The following FALEC variants were observed in gnomAD, a reference collection of about 807,000 sequenced individuals.
FALEC encodes focally amplified lncRNA on chromosome 1.
downstream of FALEC, among the ~76,000 whole-genome samples, chr1:150,522,904 CATATATAT>C (rs1335307441): frequency 2.5e-4 from 18 of 72,090 alleles, no homozygotes; most frequent in Non-Finnish European, 3.7e-4. Flanking sequence ...TATATATATA[CATATATAT>C]ACATATATAT....
At chr1:150,522,983 A>ATTTTTTTTT (rs1174052488), downstream of FALEC, among the ~76,000 whole-genome samples, 1 of 15,918 alleles carries the variant, frequency 6.3e-5, no homozygotes, top group African/African-American at 3.1e-4. Context: ...ATATATATAT[A>ATTTTTTTTT]TTTTTTTTTT....
downstream of FALEC, among the ~76,000 whole-genome samples, chr1:150,522,244 C>CAAAA (rs60709164): frequency 8.4e-6 from 1 of 119,058 alleles, no homozygotes; most frequent in Non-Finnish European, 1.8e-5. Flanking sequence ...GAGACTGTCT[C>CAAAA]AAAAAAAAAA....
At chr1:150,518,388 T>A (rs924331001), downstream of FALEC, among the ~76,000 whole-genome samples, 3 of 137,454 alleles carry the variant, frequency 2.2e-5, no homozygotes, top group Non-Finnish European at 4.5e-5. Flanking sequence ...GTCTCTCTCT[T>A]TTTTTTTTTT....
the FALEC span, among the ~76,000 whole-genome samples, chr1:150,527,550 T>G: frequency 6.6e-6 from 1 of 152,184 alleles, no homozygotes; most frequent in African/African-American, 2.4e-5. Context: ...TGGGCCACTG[T>G]GCCTGGCCAA....
At chr1:150,527,975 A>G in the FALEC span, among the ~76,000 whole-genome samples, 2 of 152,200 alleles carry the variant, frequency 1.3e-5, no homozygotes, top group African/African-American at 4.8e-5. Context: ...GGCATCCAAT[A>G]GGCAGCAAAT....
downstream of FALEC, among the ~76,000 whole-genome samples, chr1:150,522,843 C>A (rs1214367567): frequency 3.7e-4 from 40 of 108,306 alleles, 3 homozygotes; most frequent in Middle Eastern, 4.2e-3. Flanking sequence ...CTCTCTCTCT[C>A]TCTCTCTCTA....
chr1:150,520,152 AAAAT>A (rs1056750293), downstream of FALEC, among the ~76,000 whole-genome samples: 5 of 152,322 alleles, frequency 3.3e-5, no homozygotes, highest in East Asian at 1.9e-4. Context: ...CTCCGTCTCA[AAAAT>A]AAATAAATAA....
chr1:150,521,303 A>G (rs958620403), downstream of FALEC, among the ~76,000 whole-genome samples: 16 of 152,324 alleles, frequency 1.1e-4, no homozygotes, highest in African/African-American at 3.8e-4. Context: ...GAGAATGCCA[A>G]AGTGGTTGTA....
downstream of FALEC, among the ~76,000 whole-genome samples, chr1:150,522,978 TATATA>T (rs1429306246): frequency 2.4e-3 from 110 of 46,296 alleles, 11 homozygotes; most frequent in South Asian, 2.9e-3. Flanking sequence ...TATATATATA[TATATA>T]TTTTTTTTTT....
downstream of FALEC, among the ~76,000 whole-genome samples, chr1:150,520,730 A>G (rs1199951364): frequency 7.4e-6 from 1 of 134,364 alleles, no homozygotes; most frequent in African/African-American, 2.8e-5. Context: ...TTAAATATGC[A>G]TTCATGTTAT....
chr1:150,536,536 C>T, the FALEC span, among the ~76,000 whole-genome samples: 4 of 152,150 alleles, frequency 2.6e-5, no homozygotes, highest in Non-Finnish European at 5.9e-5. Context: ...TCACGCCTAT[C>T]TTCACAATAC....
chr1:150,529,169 G>T, the FALEC span, among the ~76,000 whole-genome samples: 1 of 152,180 alleles, frequency 6.6e-6, no homozygotes, highest in Non-Finnish European at 1.5e-5. Context: ...TTAAAGAAGG[G>T]TTGGAATGAC....
the FALEC span, among the ~76,000 whole-genome samples, chr1:150,529,411 A>T: frequency 6.6e-6 from 1 of 152,240 alleles, no homozygotes; most frequent in East Asian, 1.9e-4. Context: ...TTCCTTTCTC[A>T]GATGAAGTAA....
At chr1:150,524,669 G>A in the FALEC span, among the ~76,000 whole-genome samples, 1 of 152,086 alleles carries the variant, frequency 6.6e-6, no homozygotes, top group Non-Finnish European at 1.5e-5. Flanking sequence ...AGTGATTAGA[G>A]ACATGCAAAT....
At chr1:150,535,497 G>C in the FALEC span, among the ~76,000 whole-genome samples, 1 of 152,216 alleles carries the variant, frequency 6.6e-6, no homozygotes, top group Non-Finnish European at 1.5e-5. Flanking sequence ...GCCAGCCTTG[G>C]CCTCCCAAAT....
At chr1:150,522,973 A>ATTTTTT (rs1560270867), downstream of FALEC, among the ~76,000 whole-genome samples, 3 of 30,704 alleles carry the variant, frequency 9.8e-5, no homozygotes, top group South Asian at 8.6e-4. Flanking sequence ...ATATATATAT[A>ATTTTTT]TATATATATA....
At chr1:150,520,963 G>A (rs1279547226), downstream of FALEC, among the ~76,000 whole-genome samples, 1 of 151,310 alleles carries the variant, frequency 6.6e-6, no homozygotes, top group African/African-American at 2.4e-5. Flanking sequence ...CAATACGCCT[G>A]GCTAATTCTG....
At chr1:150,518,267 A>G (rs1026997811), downstream of FALEC, among the ~76,000 whole-genome samples, 1 of 152,196 alleles carries the variant, frequency 6.6e-6, no homozygotes, top group Non-Finnish European at 1.5e-5. Flanking sequence ...TTCAATAAAT[A>G]GAACAACTGT....
chr1:150,529,047 A>T, the FALEC span, among the ~76,000 whole-genome samples: 1 of 149,298 alleles, frequency 6.7e-6, no homozygotes, highest in Non-Finnish European at 1.5e-5. Flanking sequence ...AAATCAAAGG[A>T]TCTAGAGCAC....
Sources: allele counts gnomAD v4.1 joint callset (sites outside exome capture counted in the v4.1 genomes callset), GRCh38; gene constraint gnomAD v4.1.1; transcripts MANE v1.5; gene names NCBI Gene and HGNC (gene_info 2026-07-23, HGNC 2026-07-21).